The following MAGI1 variants were observed in gnomAD, a reference collection of about 807,000 sequenced individuals.
The protein encoded by MAGI1 is membrane-associated guanylate kinase, WW and PDZ domain-containing protein 1.
A neutral mutation model predicts 139.9 loss-of-function variants in MAGI1; 58 were observed. The observed-to-expected ratio is 0.41, with a 90% CI of 0.34 to 0.52. MAGI1 has a LOEUF of 0.52. Ranked by LOEUF, MAGI1 falls within the 20% of genes least tolerant of loss-of-function variation. The pLI is 0.12. For missense variants in MAGI1, 1,874 were observed against 1,901.6 expected (o/e 0.99, Z 0.27); for synonymous variants, 812 against 737.9 (o/e 1.10, Z -1.63).
chr3:65,485,165 T>C (rs1951550114), intron 3 of MAGI1, among the ~76,000 whole-genome samples: 1 of 152,176 alleles, frequency 6.6e-6, no homozygotes, highest in Non-Finnish European at 1.5e-5. Flanking sequence ...CAATTACATT[T>C]GAATTACCAA....
At chr3:65,445,630 C>T (rs1004457630) in intron 7 of MAGI1, among the ~76,000 whole-genome samples, 6 of 152,174 alleles carry the variant, frequency 3.9e-5, no homozygotes, top group Non-Finnish European at 7.3e-5. Flanking sequence ...GTTGGTTTCA[C>T]CACATGGATA....
intron 1 of MAGI1, among the ~76,000 whole-genome samples, chr3:66,029,146 C>G (rs1486398320): frequency 1.3e-5 from 2 of 152,166 alleles, no homozygotes; most frequent in Non-Finnish European, 2.9e-5. Context: ...TAAAGCCTGC[C>G]TCTTCACCCA....
chr3:65,776,765 A>G (rs912834435), intron 1 of MAGI1, among the ~76,000 whole-genome samples: 3 of 119,738 alleles, frequency 2.5e-5, no homozygotes, highest in African/African-American at 6.0e-5. Flanking sequence ...TCCAGCCTGG[A>G]GCAGCTGAAA....
chr3:65,569,366 T>C (rs988776033), intron 2 of MAGI1, among the ~76,000 whole-genome samples: 4 of 152,190 alleles, frequency 2.6e-5, no homozygotes, highest in African/African-American at 9.7e-5. Context: ...TTGATGATGG[T>C]TGCACAATAG....
At chr3:65,411,604 G>A (rs933904305) in intron 12 of MAGI1, among the ~76,000 whole-genome samples, 2 of 152,126 alleles carry the variant, frequency 1.3e-5, no homozygotes, top group Non-Finnish European at 2.9e-5. Flanking sequence ...TTATTTTAAG[G>A]TCACCGGCCC....
intron 1 of MAGI1, among the ~76,000 whole-genome samples, chr3:65,741,284 C>T (rs2035244094): frequency 6.6e-6 from 1 of 152,100 alleles, no homozygotes; most frequent in Middle Eastern, 3.2e-3. Flanking sequence ...ACGCCATTCT[C>T]CCACCTCAGC....
At chr3:65,836,678 G>A (rs889411554) in intron 1 of MAGI1, among the ~76,000 whole-genome samples, 3 of 152,108 alleles carry the variant, frequency 2.0e-5, no homozygotes, top group African/African-American at 7.2e-5. Flanking sequence ...AATTAGCTGG[G>A]CGTGGTGGTG....
intron 16 of MAGI1, chr3:65,380,697 T>TAAAAAAATAAACCTGAAACAACA (rs1464320652): frequency 6.6e-6 from 1 of 152,132 alleles, no homozygotes; most frequent in Non-Finnish European, 1.5e-5. Flanking sequence ...ATTTAAGATT[T>TAAAAAAATAAACCTGAAACAACA]AAAAAAATAA....
chr3:65,410,101 T>C (rs1167165679), intron 12 of MAGI1, among the ~76,000 whole-genome samples: 2 of 152,222 alleles, frequency 1.3e-5, no homozygotes, highest in African/African-American at 4.8e-5. Context: ...TACCTTGGAC[T>C]GCTCAAAGAC....
chr3:65,764,028 T>C (rs1177252215), intron 1 of MAGI1, among the ~76,000 whole-genome samples: 1 of 142,768 alleles, frequency 7.0e-6, no homozygotes, highest in South Asian at 2.3e-4. Context: ...GCCAAGACCA[T>C]ACCTCTGCAC....
chr3:65,362,013 G>A (rs1334014867), intron 21 of MAGI1, among the ~76,000 whole-genome samples: 2 of 152,152 alleles, frequency 1.3e-5, no homozygotes, highest in Non-Finnish European at 2.9e-5. Context: ...GGAAATAAAA[G>A]AATAAATAAG....
chr3:65,934,704 C>T (rs1315185392), intron 1 of MAGI1, among the ~76,000 whole-genome samples: 2 of 151,374 alleles, frequency 1.3e-5, no homozygotes, highest in Admixed American at 6.6e-5. Flanking sequence ...ATTATAAAAC[C>T]GAGTCCCTCT....
intron 14 of MAGI1, among the ~76,000 whole-genome samples, chr3:65,390,312 C>G (rs1161573162): frequency 6.6e-6 from 1 of 152,142 alleles, no homozygotes; most frequent in African/African-American, 2.4e-5. Context: ...TCTCCTACCC[C>G]ATACCAAAAA....
chr3:65,401,661 G>C (rs1371442223), intron 12 of MAGI1, 191 bp from the exon 13 acceptor site: 1 of 1,544,988 alleles, frequency 6.5e-7, no homozygotes, highest in Non-Finnish European at 8.7e-7. Context: ...GGAGGAGAGC[G>C]AGAGGCAGGA....
chr3:65,404,018 G>A (rs767765135), intron 12 of MAGI1, among the ~76,000 whole-genome samples: 30 of 152,176 alleles, frequency 2.0e-4, no homozygotes, highest in Admixed American at 3.9e-4. Context: ...AGAATGGCAG[G>A]CACAGCAGGA....
At chr3:65,940,936 T>G (rs1018821106) in intron 1 of MAGI1, among the ~76,000 whole-genome samples, 1 of 152,186 alleles carries the variant, frequency 6.6e-6, no homozygotes, top group African/African-American at 2.4e-5. Flanking sequence ...TCCTGGCAAC[T>G]GACACCAGAT....
At chr3:65,669,487 C>A (rs1393054851) in intron 1 of MAGI1, among the ~76,000 whole-genome samples, 1 of 152,136 alleles carries the variant, frequency 6.6e-6, no homozygotes, top group Non-Finnish European at 1.5e-5. Flanking sequence ...TTTGGTCCTC[C>A]AGAAAGTCGA....
At chr3:65,863,124 T>C (rs1214947112) in intron 1 of MAGI1, among the ~76,000 whole-genome samples, 1 of 152,188 alleles carries the variant, frequency 6.6e-6, no homozygotes, top group Non-Finnish European at 1.5e-5. Flanking sequence ...GTTCCTTCTA[T>C]CAGAAAGGAC....
intron 1 of MAGI1, among the ~76,000 whole-genome samples, chr3:65,985,950 G>C (rs891691423): frequency 6.6e-6 from 1 of 152,218 alleles, no homozygotes; most frequent in African/African-American, 2.4e-5. Flanking sequence ...TGTTAGTCAA[G>C]AAGAATGTAT....
Sources: allele counts gnomAD v4.1 joint callset (sites outside exome capture counted in the v4.1 genomes callset), GRCh38; gene constraint gnomAD v4.1.1; transcripts MANE v1.5; gene names NCBI Gene and HGNC (gene_info 2026-07-23, HGNC 2026-07-21).